PRKRIP1: variants seen among roughly 807,000 people sequenced by gnomAD.
PRKRIP1 encodes PRKR-interacting protein 1.
PRKRIP1 carries 29 observed loss-of-function variants against 29.3 expected under a neutral mutation model. That is an observed-to-expected ratio of 0.99 (90% CI 0.74 to 1.35). PRKRIP1 has a LOEUF of 1.35. Among genes scored for constraint, PRKRIP1 ranks in the 40% most tolerant of loss-of-function variants. The pLI, the probability that PRKRIP1 is intolerant of heterozygous loss-of-function variation, is 0.00. For synonymous variants in PRKRIP1, 90 were observed against 85.1 expected, an observed-to-expected ratio of 1.06 and a Z score of -0.32; for missense variants, 247 against 236.8, an observed-to-expected ratio of 1.04 and a Z score of -0.28.
intron 4 of PRKRIP1, among the ~76,000 whole-genome samples, 183 bp downstream of exon 4, chr7:102,404,866 T>C (rs1374146723): frequency 1.3e-5 from 2 of 151,922 alleles, no homozygotes; most frequent in Non-Finnish European, 2.9e-5. Context: ...TTACAGATTG[T>C]CCAGAGCTTG....
At chr7:102,419,209 T>A (rs1317619468) in intron 5 of PRKRIP1, among the ~76,000 whole-genome samples, 1 of 151,916 alleles carries the variant, frequency 6.6e-6, no homozygotes, top group Non-Finnish European at 1.5e-5. Flanking sequence ...CGGTCAGGCG[T>A]TCAAGACCAG....
At chr7:102,405,796 A>C (rs1796200874) in intron 4 of PRKRIP1, 1 of 186,626 alleles carries the variant, frequency 5.4e-6, no homozygotes, top group African/African-American at 2.4e-5. Context: ...CATTGTAACT[A>C]GGCTCAAACC....
chr7:102,416,937 C>T (rs1554573191), intron 5 of PRKRIP1, among the ~76,000 whole-genome samples: 1 of 152,020 alleles, frequency 6.6e-6, no homozygotes, highest in Non-Finnish European at 1.5e-5. Flanking sequence ...CTCACTGCAA[C>T]CTCCGCCTCT....
intron 5 of PRKRIP1, among the ~76,000 whole-genome samples, chr7:102,419,857 G>T (rs1358056358): frequency 3.1e-5 from 1 of 31,750 alleles, no homozygotes; most frequent in South Asian, 2.6e-3. Context: ...GTGTGTGTGT[G>T]TGTGTGTGTG....
chr7:102,420,394 C>T (rs1309315636), intron 5 of PRKRIP1, among the ~76,000 whole-genome samples: 4 of 152,188 alleles, frequency 2.6e-5, no homozygotes, highest in East Asian at 1.9e-4. Flanking sequence ...TGGTATTGTC[C>T]GTTTTTTGAA....
chr7:102,405,012 C>T (rs181752484), intron 4 of PRKRIP1, among the ~76,000 whole-genome samples: 2 of 152,038 alleles, frequency 1.3e-5, no homozygotes, highest in Admixed American at 6.6e-5. Context: ...CTGCAACCTC[C>T]GCCTCCTGGG....
intron 4 of PRKRIP1, among the ~76,000 whole-genome samples, chr7:102,406,283 G>C (rs1365269796): frequency 1.3e-5 from 2 of 152,106 alleles, no homozygotes; most frequent in Non-Finnish European, 2.9e-5. Flanking sequence ...ACCTTTTTTG[G>C]TGCGAGTTTG....
At chr7:102,414,646 G>T (rs1796482600) in intron 5 of PRKRIP1, among the ~76,000 whole-genome samples, 1 of 152,180 alleles carries the variant, frequency 6.6e-6, no homozygotes, top group South Asian at 2.1e-4. Context: ...CACTTTGGGA[G>T]GCCAAGGCAG....
intron 5 of PRKRIP1, 51 bp from the exon 6 acceptor site, chr7:102,424,963 T>G (rs1554574236): frequency 6.3e-7 from 1 of 1,582,290 alleles, no homozygotes; most frequent in African/African-American, 1.4e-5. Context: ...AAAGCACCCT[T>G]GACCCTGAAC....
intron 2 of PRKRIP1, among the ~76,000 whole-genome samples, chr7:102,398,515 C>G (rs58884173): frequency 6.6e-6 from 1 of 152,058 alleles, no homozygotes; most frequent in African/African-American, 2.4e-5. Flanking sequence ...GAACTCCTGA[C>G]CTCAGGTGAT....
chr7:102,399,181 T>C (rs541385984), intron 2 of PRKRIP1, among the ~76,000 whole-genome samples: 38 of 152,352 alleles, frequency 2.5e-4, no homozygotes, highest in African/African-American at 9.1e-4. Flanking sequence ...GTTCTACATA[T>C]ACAACTTTGT....
intron 1 of PRKRIP1, 38 bp downstream of exon 1, chr7:102,396,575 C>T (rs983350050): frequency 5.7e-6 from 9 of 1,585,840 alleles, no homozygotes; most frequent in Non-Finnish European, 7.7e-6. Context: ...CGTCCGAGGC[C>T]CACCCCCTTC....
intron 5 of PRKRIP1, among the ~76,000 whole-genome samples, chr7:102,413,319 A>G (rs1274500824): frequency 6.6e-6 from 1 of 152,236 alleles, no homozygotes; most frequent in Non-Finnish European, 1.5e-5. Flanking sequence ...GGCACTCAGC[A>G]TGTGTTTGGA....
At chr7:102,410,969 A>G (rs1796365443) in intron 5 of PRKRIP1, among the ~76,000 whole-genome samples, 1 of 152,192 alleles carries the variant, frequency 6.6e-6, no homozygotes, top group Non-Finnish European at 1.5e-5. Context: ...TTTGCCACCC[A>G]GGCTGGAGTG....
At chr7:102,416,721 C>T (rs1221102295) in intron 5 of PRKRIP1, among the ~76,000 whole-genome samples, 2 of 151,280 alleles carry the variant, frequency 1.3e-5, no homozygotes, top group Non-Finnish European at 2.9e-5. Context: ...TCTCTGTTGC[C>T]CAGGCTGGAG....
In PRKRIP1 at chr7:102,425,451, G is replaced by A. The variant is rs1304554524; in HGVS notation, c.*340G>A. On this transcript the variant is annotated 3_prime_UTR_variant, in exon 6 of 6. Coordinates refer to ENST00000397912, the MANE Select transcript of PRKRIP1 (RefSeq NM_024653.4). ...TTAGTAAAGAGCAGAACACCCTTGC[G>A]TTTTGTTGGGACATGTGGACCGTGA... The A allele has an allele frequency of 1.2e-5, 4 of 336,716 alleles. No individual in the cohort carries two copies. The highest frequency in any genetic ancestry group is 9.9e-5 in the East Asian group (1 of 10,124). The allele number at this position is 336,716 out of a possible 1,614,324, so 20.9% of individuals were successfully genotyped here. A position where few individuals can be genotyped will look rare whatever the true frequency, so the allele number is the denominator to read the frequency against.
In PRKRIP1 at chr7:102,425,819, G is replaced by A. The variant is rs1171618332; in HGVS notation, c.*708G>A. 1 of 155,574 alleles carries A rather than the reference G, an allele frequency of 6.4e-6. No individual in the cohort carries two copies. Among genetic ancestry groups the A allele is most frequent in the African/African-American group, 2.4e-5 (1 of 41,480 alleles). 9.6% of individuals were successfully genotyped at this position (155,574 alleles called of 1,614,324 possible). ...AGTGAGCAGGCGGAGACTCCAAGCT[G>A]GGCTGAGCCAGAGCAGAAGGCGAGG... On this transcript the variant is annotated 3_prime_UTR_variant, in exon 6 of 6. Transcript: ENST00000397912.
intron 5 of PRKRIP1, among the ~76,000 whole-genome samples, chr7:102,415,217 G>A (rs781938869): frequency 9.9e-5 from 15 of 152,084 alleles, no homozygotes; most frequent in African/African-American, 1.7e-4. Context: ...CACCCCCCAC[G>A]CACCCACCTG....
rs1796650113 is a variant in PRKRIP1 at position 102,419,890 on chromosome 7, TGTGTG to T, written c.458-5123_458-5119del. 7.6e-5 allele frequency among the ~76,000 whole-genome samples: 9 copies of T among 118,820 alleles called. No individual in the cohort carries two copies. In the South Asian group the frequency reaches 1.5e-3, roughly 20 times the overall value. The allele number at this position is 118,820 out of a possible 152,430, so 78.0% of individuals were successfully genotyped here. ...GTGTGTGTGTGTGTGTGTGTGTGTG[TGTGTG>T]TTTTTGAGATGGAGTCTCTCTGTCG... On this transcript the variant is annotated intron_variant, in intron 5 of 5. Transcript: ENST00000397912.
Sources: allele counts gnomAD v4.1 joint callset (sites outside exome capture counted in the v4.1 genomes callset), GRCh38; gene constraint gnomAD v4.1.1; transcripts MANE v1.5; gene names NCBI Gene and HGNC (gene_info 2026-07-23, HGNC 2026-07-21).